The following TMEM131L variants were observed in gnomAD, a reference collection of about 807,000 sequenced individuals.
The protein encoded by TMEM131L is transmembrane protein 131-like.
In TMEM131L, 54 loss-of-function variants were observed where a neutral mutation model predicts 192.2. The ratio of observed to expected loss-of-function variants is 0.28; its 90% CI spans 0.23 to 0.35. TMEM131L has a LOEUF of 0.35. Among genes scored for constraint, TMEM131L ranks in the 10% least tolerant of loss-of-function variants. TMEM131L has a pLI of 1.00. For synonymous variants in TMEM131L, 701 were observed against 704.9 expected (o/e 0.99, Z 0.09); for missense variants, 1,888 against 1,972.9 (o/e 0.96, Z 0.82).
At chr4:153,610,442 T>C (rs780771662) in intron 25 of TMEM131L, among the ~76,000 whole-genome samples, 5 of 152,214 alleles carry the variant, frequency 3.3e-5, no homozygotes, top group Non-Finnish European at 5.9e-5. Context: ...TCTGTATTCA[T>C]TTTGTGACAT....
intron 21 of TMEM131L, 30 bp from the exon 22 acceptor site, chr4:153,602,122 T>C (rs771963877): frequency 6.6e-5 from 85 of 1,289,350 alleles, no homozygotes; most frequent in Non-Finnish European, 7.3e-5. Context: ...AGTTCACATA[T>C]ACTAAATATC....
chr4:153,615,956 C>A (rs1732946443), intron 26 of TMEM131L, among the ~76,000 whole-genome samples: 1 of 152,134 alleles, frequency 6.6e-6, no homozygotes, highest in Non-Finnish European at 1.5e-5. Context: ...TTAATTTCTT[C>A]AAGTTATTTT....
intron 3 of TMEM131L, among the ~76,000 whole-genome samples, chr4:153,506,092 G>A (rs72971021): frequency 0.13 from 19,727 of 152,142 alleles, 2,357 homozygotes; most frequent in African/African-American, 0.29. Flanking sequence ...CAATAGTAGA[G>A]TCGAACTAAT....
intron 11 of TMEM131L, among the ~76,000 whole-genome samples, chr4:153,584,425 A>T (rs1730566725): frequency 6.6e-6 from 1 of 152,202 alleles, no homozygotes; most frequent in Non-Finnish European, 1.5e-5. Flanking sequence ...AACACAAGCG[A>T]CTCAATATTA....
chr4:153,563,000 A>G (rs1255232177), intron 7 of TMEM131L, among the ~76,000 whole-genome samples: 1 of 152,206 alleles, frequency 6.6e-6, no homozygotes, highest in Non-Finnish European at 1.5e-5. Flanking sequence ...CAGGCTGATT[A>G]TATGTTTGGG....
intron 3 of TMEM131L, among the ~76,000 whole-genome samples, chr4:153,517,104 C>A (rs371985752): frequency 6.6e-6 from 1 of 152,102 alleles, no homozygotes; most frequent in African/African-American, 2.4e-5. Flanking sequence ...GGATTACAGG[C>A]GTGAGCCACC....
chr4:153,482,181 G>T (rs1208007415), intron 3 of TMEM131L, among the ~76,000 whole-genome samples: 1 of 152,040 alleles, frequency 6.6e-6, no homozygotes, highest in Non-Finnish European at 1.5e-5. Context: ...GTAGTTGGTT[G>T]TTTTTTTCTT....
Sources: allele counts gnomAD v4.1 joint callset (sites outside exome capture counted in the v4.1 genomes callset), GRCh38; gene constraint gnomAD v4.1.1; transcripts MANE v1.5; gene names NCBI Gene and HGNC (gene_info 2026-07-23, HGNC 2026-07-21).